The following ADCY9 variants were observed in gnomAD, a reference collection of about 807,000 sequenced individuals.
ADCY9 encodes the protein adenylate cyclase 9, also known as adenylate cyclase type 9.
ADCY9 carries 50 observed loss-of-function variants against 101.5 expected under a neutral mutation model. The ratio of observed to expected loss-of-function variants is 0.49; its 90% CI spans 0.39 to 0.62. The LOEUF (loss-of-function observed/expected upper bound fraction) is 0.62, where lower values mean the gene tolerates loss of function less well. Ranked by LOEUF, ADCY9 falls within the 20% of genes least tolerant of loss-of-function variation. The pLI is 0.00. For synonymous variants in ADCY9, 905 were observed against 769.3 expected, an observed-to-expected ratio of 1.18 and a Z score of -2.92; for missense variants, 1,662 against 1,800.4, an observed-to-expected ratio of 0.92 and a Z score of 1.39.
At chr16:4,008,964 C>T (rs557729133) in intron 2 of ADCY9, among the ~76,000 whole-genome samples, 2 of 152,250 alleles carry the variant, frequency 1.3e-5, no homozygotes, top group East Asian at 1.9e-4. Context: ...TGGCTTCTTA[C>T]GCTGGGTACA....
rs547787930 is a variant in ADCY9, at chr16:3,965,282, G to C, written c.*493C>G. The C allele has an allele frequency of 6.0e-6, 1 of 167,630 alleles. No homozygotes were observed. Among genetic ancestry groups the C allele is most frequent in the South Asian group, 1.7e-4 (1 of 6,020 alleles). 10.4% of individuals were successfully genotyped at this position (167,630 alleles called of 1,614,324 possible). ...CATGAATGCAAGTGTGTGTGCGCAT[G>C]TGTGCTTACATAGAGAGGTCGGGTC... On this transcript the variant is annotated 3_prime_UTR_variant, in exon 11 of 11. Transcript: ENST00000294016.
intron 2 of ADCY9, among the ~76,000 whole-genome samples, chr16:4,065,341 G>A (rs1460811801): frequency 6.6e-6 from 1 of 152,222 alleles, no homozygotes; most frequent in African/African-American, 2.4e-5. Flanking sequence ...GAAAGGGAAA[G>A]TAAGCCCTGT....
At chr16:3,981,781 T>G (rs2056145608) in intron 7 of ADCY9, 1 of 151,932 alleles carries the variant, frequency 6.6e-6, no homozygotes, top group East Asian at 1.9e-4. Context: ...TTGGTATTTT[T>G]TAGTAGAGAT....
chr16:4,113,907 G>A lies in ADCY9; in HGVS notation c.1536C>T (p.Asn512=), dbSNP rs367675956. ...CCATGAGATTGGCCAGGTTCACATC[G>A]TTGGACCACACGTCAAATTTAAACC... ...MRRFKFDVWS[N]DVNLANLMEQ... The change falls in exon 2 of 11, where the codon AAC becomes AAT. Residue 512 remains asparagine (N), a synonymous_variant. Coordinates refer to ENST00000294016, the MANE Select transcript of ADCY9 (RefSeq NM_001116.4). 4.3e-6 allele frequency: 7 copies of A among 1,614,002 alleles called. No homozygotes were observed. The African/African-American group carries it at 5.3e-5, about 12-fold the overall frequency.
In ADCY9 at chr16:3,964,535, A is replaced by G. The variant is rs1650397550; in HGVS notation, c.*1240T>C. The G allele has an allele frequency of 6.6e-6, 1 of 152,292 alleles. No individual in the cohort carries two copies. Among genetic ancestry groups the G allele is most frequent in the Admixed American group, 6.5e-5 (1 of 15,282 alleles). The allele number at this position is 152,292 out of a possible 1,614,324, so 9.4% of individuals were successfully genotyped here. A position where few individuals can be genotyped will look rare whatever the true frequency, so the allele number is the denominator to read the frequency against. ...ACTGATAGGCCCTGTGCCATCTGAG[A>G]GCGGGAGGCAGCCAAGAAACTTCTG... On this transcript the variant is annotated 3_prime_UTR_variant, in exon 11 of 11. Transcript: ENST00000294016.
chr16:4,055,202 C>T lies in ADCY9; in HGVS notation c.1694-47644G>A, dbSNP rs1459581411. 2.0e-5 allele frequency among the ~76,000 whole-genome samples: 3 copies of T among 152,284 alleles called. No homozygotes were observed. In the East Asian group the frequency reaches 5.8e-4, roughly 29 times the overall value. The stretch of plus-strand genomic sequence containing the variant: ...GCCCCCAGGCCTCAGGAAGCCAGCT[C>T]TATTCAGCAGATTTCACAAGTGAAA... On this transcript the variant is annotated intron_variant, in intron 2 of 10. Transcript: ENST00000294016.
At chr16:4,071,837 G>A (rs902280285) in intron 2 of ADCY9, among the ~76,000 whole-genome samples, 1 of 152,044 alleles carries the variant, frequency 6.6e-6, no homozygotes, top group Non-Finnish European at 1.5e-5. Flanking sequence ...TTTTGAGACA[G>A]AGTCTCACTG....
intron 2 of ADCY9, among the ~76,000 whole-genome samples, chr16:4,096,857 G>A (rs1400392335): frequency 1.3e-5 from 2 of 151,470 alleles, no homozygotes; most frequent in Non-Finnish European, 2.9e-5. Flanking sequence ...GAAAATAAAT[G>A]ATTCAAAAGC....
At chr16:4,097,501 C>CACACACACACTA (rs1555445955) in intron 2 of ADCY9, among the ~76,000 whole-genome samples, 6 of 105,512 alleles carry the variant, frequency 5.7e-5, no homozygotes, top group Non-Finnish European at 9.6e-5. Flanking sequence ...CACACACACA[C>CACACACACACTA]TATATATATG....
chr16:4,101,042 A>T (rs1390424649), intron 2 of ADCY9, among the ~76,000 whole-genome samples: 1 of 152,200 alleles, frequency 6.6e-6, no homozygotes, highest in Non-Finnish European at 1.5e-5. Context: ...AACTTTTCTA[A>T]GAACTTGTAT....
At position 3,965,844 on chromosome 16, in the gene ADCY9, G is replaced by A. The variant is rs780861346; in HGVS notation, c.3993C>T (p.Asp1331=). ...RGRFGKAIEK[D]DCDETGIEEA... is the part of the protein sequence containing the mutation. Reference sequence around the variant, plus strand: ...CTTCTATTCCTGTTTCGTCACAGTCGTCTTTCTCTATGGCTTTGCCAAATC... The same window carrying A: ...CTTCTATTCCTGTTTCGTCACAGTCATCTTTCTCTATGGCTTTGCCAAATC... The change falls in exon 11 of 11, where the codon GAC becomes GAT. Residue 1331 remains aspartate (D), a synonymous_variant. Transcript: ENST00000294016. 12 of 1,614,186 alleles carry A rather than the reference G, an allele frequency of 7.4e-6. No individual in the cohort carries two copies. Among genetic ancestry groups the A allele is most frequent in the Middle Eastern group, 1.6e-4 (1 of 6,062 alleles).
At position 4,007,431 on chromosome 16, in the gene ADCY9, C is replaced by T; in HGVS notation, c.1821G>A (p.Gly607=). 1.2e-6 allele frequency: 2 copies of T among 1,613,866 alleles called. No homozygotes were observed. Among genetic ancestry groups the T allele is most frequent in the Non-Finnish European group, 1.7e-6 (2 of 1,179,936 alleles). Residue 607 remains glycine (G), a synonymous_variant, in exon 3 of 11, where the codon GGG becomes GGA. Transcript: ENST00000294016. The stretch of plus-strand genomic sequence containing the variant: ...CACTGACATTCCCTGATGACGCTGT[C>T]CCCTGTCCCCTAGGGCCTGAGGACA... The part of the protein sequence containing the change: ...SQVSSGPRGQ[G]TASSGNVSDL...
intron 9 of ADCY9, among the ~76,000 whole-genome samples, chr16:3,975,002 G>T (rs2056082356): frequency 6.6e-6 from 1 of 152,124 alleles, no homozygotes; most frequent in Middle Eastern, 3.2e-3. Flanking sequence ...GTGGATGGAG[G>T]AGTTCTGGGC....
At chr16:3,974,111 G>T (rs1385263629) in intron 10 of ADCY9, among the ~76,000 whole-genome samples, 1 of 152,082 alleles carries the variant, frequency 6.6e-6, no homozygotes, top group African/African-American at 2.4e-5. Context: ...GCACAATCTT[G>T]GCTCACTGCA....
At chr16:4,079,820 T>C (rs535786300) in intron 2 of ADCY9, among the ~76,000 whole-genome samples, 6 of 152,276 alleles carry the variant, frequency 3.9e-5, no homozygotes, top group African/African-American at 1.2e-4. Flanking sequence ...AAACCTCATG[T>C]TGAAACATTC....
Position 4,115,691 on chromosome 16 carries a change from T to A in ADCY9, c.-45A>T. ...GCACGAGAACCGCTCGGGACGGACCTAGAACGCCCGGGGGTCCCCGCCGCG... is the reference window on the plus strand; with the variant it reads ...GCACGAGAACCGCTCGGGACGGACCAAGAACGCCCGGGGGTCCCCGCCGCG... On this transcript the variant is annotated splice_region_variant and 5_prime_UTR_variant, in exon 1 of 11. Coordinates refer to ENST00000294016, the MANE Select transcript of ADCY9 (RefSeq NM_001116.4). The surrounding 1 kb of genome is among the most constrained non-coding windows in gnomAD (Gnocchi z 6.2). 2.4e-6 allele frequency: 1 copy of A among 424,048 alleles called. No homozygotes were observed. The allele number at this position is 424,048 out of a possible 1,614,324, so 26.3% of individuals were successfully genotyped here.
intron 2 of ADCY9, among the ~76,000 whole-genome samples, chr16:4,007,940 C>T (rs2056378287): frequency 6.6e-6 from 1 of 152,162 alleles, no homozygotes; most frequent in African/African-American, 2.4e-5. Flanking sequence ...TCTGTGAATA[C>T]CAGTCCAGTG....
chr16:4,078,769 G>C (rs1323429844), intron 2 of ADCY9, among the ~76,000 whole-genome samples: 48 of 151,868 alleles, frequency 3.2e-4, no homozygotes, highest in Admixed American at 3.1e-3. Flanking sequence ...TTAGAAAATG[G>C]GAGGCATTTT....
At chr16:4,009,052 G>T (rs1225536370) in intron 2 of ADCY9, among the ~76,000 whole-genome samples, 1 of 152,164 alleles carries the variant, frequency 6.6e-6, no homozygotes, top group Admixed American at 6.5e-5. Flanking sequence ...CATTTTATAA[G>T]TATGGCCCCA....
Sources: gnomAD v4.1 joint callset for allele counts (sites outside exome capture counted in the v4.1 genomes callset) on GRCh38, gnomAD v4.1.1 for gene constraint, Gnocchi (gnomAD v3.1) non-coding constraint, MANE v1.5 for transcripts, NCBI Gene and HGNC (gene_info 2026-07-23, HGNC 2026-07-21) for gene names.